Variants in ZHX3 observed in about 807,000 individuals in gnomAD.
ZHX3 encodes zinc fingers and homeoboxes 3.
Under a neutral mutation model 64.5 loss-of-function variants are expected in ZHX3, and 20 were observed. The ratio of observed to expected loss-of-function variants is 0.31; its 90% CI spans 0.22 to 0.45. The LOEUF (loss-of-function observed/expected upper bound fraction) is 0.45, where lower values mean the gene tolerates loss of function less well. ZHX3 is among the 20% of genes least tolerant of loss of function. The pLI, the probability that ZHX3 is intolerant of heterozygous loss-of-function variation, is 1.00. For missense variants in ZHX3, 1,041 were observed against 1,195.8 expected (o/e 0.87, Z 1.91); for synonymous variants, 423 against 461.6 (o/e 0.92, Z 1.07).
Position 41,246,348 on chromosome 20 carries a change from G to A in ZHX3, c.-151+22642C>T, listed in dbSNP as rs1410813451. On this transcript the variant is annotated intron_variant, in intron 2 of 3. Transcript: ENST00000683867. ...AAGCCATAGTCTGTTATTCTAATGT[G>A]AATTGTTACACACACATACAGACAC... is the stretch of plus-strand genomic sequence containing the variant. 5.3e-5 allele frequency among the ~76,000 whole-genome samples: 8 copies of A among 152,140 alleles called. No homozygotes were observed. The South Asian group carries it at 1.2e-3, about 24-fold the overall frequency.
chr20:41,236,021 AT>A (rs1194409722), intron 2 of ZHX3, among the ~76,000 whole-genome samples: 1 of 152,236 alleles, frequency 6.6e-6, no homozygotes, highest in Non-Finnish European at 1.5e-5. Context: ...CCCATTCACA[AT>A]TGCTTCAAAG....
At position 41,184,867 on chromosome 20, in the gene ZHX3, T is replaced by A; in HGVS notation, c.*324A>T. ...GTTTTATTTAACATATAGAGGTGGA[T>A]GTATATGTTAAAAGCTTGATTCTGT... On this transcript the variant is annotated 3_prime_UTR_variant, in exon 4 of 4. Coordinates refer to ENST00000683867, the MANE Select transcript of ZHX3 (RefSeq NM_001384317.1). 1 of 1,487,696 alleles carries A rather than the reference T, an allele frequency of 6.7e-7. No homozygotes were observed. Among genetic ancestry groups the A allele is most frequent in the South Asian group, 1.3e-5 (1 of 76,752 alleles). 92.2% of individuals were successfully genotyped at this position (1,487,696 alleles called of 1,614,324 possible).
Position 41,201,191 on chromosome 20 carries a change from C to G in ZHX3, c.2860+866G>C, listed in dbSNP as rs1031744860. 41 of 845,520 alleles carry G rather than the reference C, an allele frequency of 4.8e-5. No individual in the cohort carries two copies. Among genetic ancestry groups the G allele is most frequent in the Non-Finnish European group, 6.3e-5 (39 of 616,774 alleles). The allele number at this position is 845,520 out of a possible 1,614,324, so 52.4% of individuals were successfully genotyped here. A position where few individuals can be genotyped will look rare whatever the true frequency, so the allele number is the denominator to read the frequency against. ...AACACCACAAATAGTGTCTCCTGTA[C>G]CCCCTCCCACATTGCCAACTCAGCT... is the stretch of plus-strand genomic sequence containing the variant. On this transcript the variant is annotated intron_variant, in intron 3 of 3. Coordinates refer to ENST00000683867, the MANE Select transcript of ZHX3 (RefSeq NM_001384317.1). The surrounding 1 kb of genome is among the most constrained non-coding windows in gnomAD (Gnocchi z 5.0).
At position 41,201,011 on chromosome 20, in the gene ZHX3, C is replaced by T. The variant is rs2038174089; in HGVS notation, c.2860+1046G>A. Among the ~76,000 whole-genome samples the T allele has an allele frequency of 6.6e-6, 1 of 152,216 alleles. No individual in the cohort carries two copies. The highest frequency in any genetic ancestry group is 1.5e-5 in the Non-Finnish European group (1 of 68,038). The stretch of plus-strand genomic sequence containing the variant: ...AAAATAAACAAACAACAATGGTTGG[C>T]TATTGTATGGAAACAATGCAACACC... On this transcript the variant is annotated intron_variant, in intron 3 of 3. Transcript: ENST00000683867. This position sits in a 1 kb window ranked among gnomAD's most constrained non-coding sequence, Gnocchi z 5.0.
chr20:41,282,566 G>C (rs983228736), intron 1 of ZHX3, among the ~76,000 whole-genome samples: 3 of 151,954 alleles, frequency 2.0e-5, no homozygotes, highest in African/African-American at 7.3e-5. Flanking sequence ...CACCATGTTG[G>C]GCGGGCTGTT....
chr20:41,289,590 G>A (rs186363955), intron 1 of ZHX3, among the ~76,000 whole-genome samples: 2 of 152,126 alleles, frequency 1.3e-5, no homozygotes, highest in East Asian at 1.9e-4. Flanking sequence ...AACATGCCAA[G>A]GATGCAATCT....
chr20:41,299,871 C>CAAAAAAAA (rs558506519), intron 1 of ZHX3: 1 of 55,008 alleles, frequency 1.8e-5, no homozygotes, highest in Non-Finnish European at 3.5e-5. Flanking sequence ...GACTCGGTCT[C>CAAAAAAAA]AAAAAAAAAA....
intron 2 of ZHX3, among the ~76,000 whole-genome samples, chr20:41,206,140 T>C (rs1044884588): frequency 2.0e-5 from 3 of 152,050 alleles, no homozygotes; most frequent in African/African-American, 7.2e-5. Context: ...CAAAACCCCA[T>C]CTGGACGCCA....
intron 2 of ZHX3, among the ~76,000 whole-genome samples, chr20:41,235,590 C>T (rs1262574532): frequency 1.3e-5 from 2 of 152,156 alleles, no homozygotes; most frequent in Non-Finnish European, 2.9e-5. Flanking sequence ...GCTAAAAACT[C>T]TCAATAAATT....
rs959817743 is a variant in ZHX3, at chr20:41,183,456, G to C, written c.*1735C>G. On this transcript the variant is annotated 3_prime_UTR_variant, in exon 4 of 4. Transcript: ENST00000683867. The surrounding 1 kb of genome is among the most constrained non-coding windows in gnomAD (Gnocchi z 5.3). ...TGACACTTTAGAAGAACATGATTTT[G>C]GTTTCAAAAGCAAGACCTCTCCTGG... 8 of 152,210 alleles carry C rather than the reference G, an allele frequency of 5.3e-5. No individual in the cohort carries two copies. Among genetic ancestry groups the C allele is most frequent in the African/African-American group, 1.9e-4 (8 of 41,460 alleles). The allele number at this position is 152,210 out of a possible 1,614,324, so 9.4% of individuals were successfully genotyped here. A position where few individuals can be genotyped will look rare whatever the true frequency, so the allele number is the denominator to read the frequency against.
At chr20:41,290,606 T>A (rs1055799780) in intron 1 of ZHX3, 25 of 152,284 alleles carry the variant, frequency 1.6e-4, no homozygotes, top group African/African-American at 6.0e-4. Flanking sequence ...CTCACAAACA[T>A]TGTATGAAGC....
chr20:41,253,654 T>C (rs1159626119), intron 2 of ZHX3, among the ~76,000 whole-genome samples: 2 of 152,282 alleles, frequency 1.3e-5, no homozygotes, highest in East Asian at 3.9e-4. Flanking sequence ...TTTATAGGTG[T>C]ATCCATTTGT....
intron 2 of ZHX3, among the ~76,000 whole-genome samples, chr20:41,213,571 T>G (rs979325175): frequency 3.3e-5 from 5 of 152,066 alleles, no homozygotes; most frequent in Admixed American, 2.0e-4. Context: ...AAAAAGAGCA[T>G]GAGCACACCA....
At chr20:41,220,431 A>G (rs1165705452) in intron 2 of ZHX3, among the ~76,000 whole-genome samples, 1 of 152,242 alleles carries the variant, frequency 6.6e-6, no homozygotes, top group African/African-American at 2.4e-5. Flanking sequence ...CTATGAAGCT[A>G]CTACAGCCGA....
At chr20:41,280,451 T>C (rs562923775) in intron 1 of ZHX3, among the ~76,000 whole-genome samples, 1 of 152,304 alleles carries the variant, frequency 6.6e-6, no homozygotes, top group East Asian at 1.9e-4. Flanking sequence ...CAGAAAATAA[T>C]TGTAGTATTC....
Position 41,202,048 on chromosome 20 carries a change from A to G in ZHX3, c.2860+9T>C. 1 of 1,577,442 alleles carries G rather than the reference A, an allele frequency of 6.3e-7. No individual in the cohort carries two copies. Among genetic ancestry groups the G allele is most frequent in the Non-Finnish European group, 8.6e-7 (1 of 1,161,228 alleles). On this transcript the variant is annotated intron_variant, in intron 3 of 3. Coordinates refer to ENST00000683867, the MANE Select transcript of ZHX3 (RefSeq NM_001384317.1). This position sits in a 1 kb window ranked among gnomAD's most constrained non-coding sequence, Gnocchi z 7.0. The stretch of plus-strand genomic sequence containing the variant: ...CACAGGATAGCCATGGCCCCTGTGG[A>G]CTCCTTACCGAGCTGACGTCCAGCC...
rs2036261854 is a variant in ZHX3, at chr20:41,181,824, C to G, written c.*3367G>C. On this transcript the variant is annotated 3_prime_UTR_variant, in exon 4 of 4. Transcript: ENST00000683867. The stretch of plus-strand genomic sequence containing the variant: ...ATGTGTGAGCCCGCAAGGCACTACC[C>G]AATGTTCTGTCCAACTTCCTCCTTG... The G allele has an allele frequency of 6.6e-6, 1 of 152,208 alleles. No homozygotes were observed. The highest frequency in any genetic ancestry group is 1.5e-5 in the Non-Finnish European group (1 of 68,052). The allele number at this position is 152,208 out of a possible 1,614,324, so 9.4% of individuals were successfully genotyped here. A position where few individuals can be genotyped will look rare whatever the true frequency, so the allele number is the denominator to read the frequency against.
chr20:41,283,576 G>C (rs1432159969), intron 1 of ZHX3, among the ~76,000 whole-genome samples: 2 of 152,060 alleles, frequency 1.3e-5, no homozygotes, highest in African/African-American at 4.8e-5. Flanking sequence ...GGCTAACACA[G>C]TGAAACCCTG....
In ZHX3 at chr20:41,313,593, C is replaced by CTTT. The variant is rs58599783; in HGVS notation, c.-245+3913_-245+3915dup. On this transcript the variant is annotated intron_variant, in intron 1 of 3. Coordinates refer to ENST00000683867, the MANE Select transcript of ZHX3 (RefSeq NM_001384317.1). ...AAATTCTTAACACATACTTTTAGGC[C>CTTT]TTTTTTTTTTTTTTTTTTTTTTGAG... Among the ~76,000 whole-genome samples, 373 of 103,758 alleles carry CTTT rather than the reference C, an allele frequency of 3.6e-3. 3 individuals carry two copies. The highest frequency in any genetic ancestry group is 0.011 in the East Asian group (29 of 2,674). The allele number at this position is 103,758 out of a possible 152,430, so 68.1% of individuals were successfully genotyped here. A position where few individuals can be genotyped will look rare whatever the true frequency, so the allele number is the denominator to read the frequency against.
Sources: gnomAD v4.1 joint callset for allele counts (sites outside exome capture counted in the v4.1 genomes callset) on GRCh38, gnomAD v4.1.1 for gene constraint, Gnocchi (gnomAD v3.1) non-coding constraint, MANE v1.5 for transcripts, NCBI Gene and HGNC (gene_info 2026-07-23, HGNC 2026-07-21) for gene names.